Variants in HOMER2 observed in about 807,000 individuals in gnomAD.
The protein encoded by HOMER2 is homer scaffold protein 2.
In HOMER2, 27 loss-of-function variants were observed where a neutral mutation model predicts 47.0. The ratio of observed to expected loss-of-function variants is 0.57; its 90% CI spans 0.42 to 0.79. The LOEUF (loss-of-function observed/expected upper bound fraction) is 0.79, where lower values mean the gene tolerates loss of function less well. Among genes scored for constraint, HOMER2 ranks in the 30% least tolerant of loss-of-function variants. The pLI, the probability that HOMER2 is intolerant of heterozygous loss-of-function variation, is 0.00. For synonymous variants in HOMER2, 161 were observed against 163.8 expected, an observed-to-expected ratio of 0.98 and a Z score of 0.13; for missense variants, 443 against 435.0, an observed-to-expected ratio of 1.02 and a Z score of -0.16.
chr15:82,850,052 C>T lies in HOMER2; in HGVS notation c.844-149G>A, dbSNP rs947597637. On this transcript the variant is annotated intron_variant, in intron 8 of 8. Transcript: ENST00000450735. ...CCTAGAGACATGCTACCCCAGCACACAAGCCTGTGACCAAGACATCAGAAG... is the reference window on the plus strand; with the variant it reads ...CCTAGAGACATGCTACCCCAGCACATAAGCCTGTGACCAAGACATCAGAAG... The T allele has an allele frequency of 9.6e-6, 7 of 729,952 alleles. No homozygotes were observed. In the East Asian group the frequency reaches 1.9e-4, roughly 20 times the overall value. 45.2% of individuals were successfully genotyped at this position (729,952 alleles called of 1,614,324 possible). A position where few individuals can be genotyped will look rare whatever the true frequency, so the allele number is the denominator to read the frequency against.
rs182657443 is a variant in HOMER2 at position 82,975,840 on chromosome 15, G to A, written n.82+9947C>T. Among the ~76,000 whole-genome samples, 25 of 152,258 alleles carry A rather than the reference G, an allele frequency of 1.6e-4. 1 individual carries two copies. The Middle Eastern group carries it at 0.014, about 83-fold the overall frequency. On this transcript the variant is annotated intron_variant and non_coding_transcript_variant, in intron 1 of 1. Transcript: ENST00000500334. ...TAAATAATAACTTAATCATACATTTGAAAATAACTAAGAGTGTAATTGGAT... is the reference window on the plus strand; with the variant it reads ...TAAATAATAACTTAATCATACATTTAAAAATAACTAAGAGTGTAATTGGAT...
chr15:82,975,918 T>C (rs200591973), intron 1 of HOMER2, among the ~76,000 whole-genome samples: 1 of 152,360 alleles, frequency 6.6e-6, no homozygotes, highest in East Asian at 1.9e-4. Flanking sequence ...CCATTCTCCA[T>C]GATGTTCTTA....
At chr15:82,882,423 T>G (rs2052550851) in intron 2 of HOMER2, among the ~76,000 whole-genome samples, 1 of 152,014 alleles carries the variant, frequency 6.6e-6, no homozygotes, top group South Asian at 2.1e-4. Context: ...GAGCTCACAG[T>G]CTCCTGGCAG....
chr15:82,938,397 T>C (rs62011737), intron 1 of HOMER2, among the ~76,000 whole-genome samples: 5,297 of 152,174 alleles, frequency 0.035, 132 homozygotes, highest in Non-Finnish European at 0.055. Context: ...AAATGCCAGC[T>C]GATCAAGCTC....
upstream of HOMER2, among the ~76,000 whole-genome samples, chr15:82,956,961 G>A (rs960943102): frequency 3.3e-5 from 5 of 152,118 alleles, no homozygotes; most frequent in South Asian, 2.1e-4. Context: ...ACGAAGTGGC[G>A]ATATCTCTTT....
chr15:82,841,599 C>G (rs1303812902), exon 2 of HOMER2: 1 of 152,020 alleles, frequency 6.6e-6, no homozygotes, highest in African/African-American at 2.4e-5. Context: ...TAACATTGTT[C>G]TAAAAGTACC....
intron 4 of HOMER2, among the ~76,000 whole-genome samples, 163 bp downstream of exon 4, chr15:82,864,004 C>CTCATAAAATCCTAA (rs2151633982): frequency 6.6e-6 from 1 of 152,312 alleles, no homozygotes; most frequent in South Asian, 2.1e-4. Flanking sequence ...CTAAAAAATT[C>CTCATAAAATCCTAA]AAGAGTCTCA....
At chr15:82,914,898 A>G (rs75672102) in intron 1 of HOMER2, among the ~76,000 whole-genome samples, 4,533 of 152,252 alleles carry the variant, frequency 0.03, 105 homozygotes, top group Middle Eastern at 0.082. Flanking sequence ...TAGAGGACAG[A>G]TGGAGGTGGG....
At chr15:82,875,901 G>A (rs2052334361) in intron 2 of HOMER2, among the ~76,000 whole-genome samples, 1 of 152,226 alleles carries the variant, frequency 6.6e-6, no homozygotes, top group African/African-American at 2.4e-5. Flanking sequence ...GTCCAATTAG[G>A]ATAATTTGTG....
At chr15:82,902,946 G>A (rs1477604623) in intron 1 of HOMER2, among the ~76,000 whole-genome samples, 1 of 152,194 alleles carries the variant, frequency 6.6e-6, no homozygotes, top group Non-Finnish European at 1.5e-5. Context: ...TCATCTGTGA[G>A]ACCATATCTT....
intron 1 of HOMER2, among the ~76,000 whole-genome samples, chr15:82,947,506 C>G (rs1466574757): frequency 6.6e-6 from 1 of 152,204 alleles, no homozygotes; most frequent in South Asian, 2.1e-4. Context: ...AAAGTCACAA[C>G]AGTAGACAAG....
chr15:82,965,205 G>C (rs976226595), intron 1 of HOMER2, among the ~76,000 whole-genome samples: 15 of 152,042 alleles, frequency 9.9e-5, no homozygotes, highest in Non-Finnish European at 1.9e-4. Context: ...TTTTTGTAGA[G>C]ACGAGGTCTC....
chr15:82,906,949 T>C (rs1842899370), intron 1 of HOMER2, among the ~76,000 whole-genome samples: 3 of 152,218 alleles, frequency 2.0e-5, no homozygotes, highest in Admixed American at 1.3e-4. Context: ...TTAATGTGTA[T>C]GTGCCTAACA....
upstream of HOMER2, chr15:82,986,096 C>T: frequency 6.1e-6 from 6 of 985,534 alleles, no homozygotes; most frequent in Non-Finnish European, 7.2e-6. Flanking sequence ...GAGCTCTGGG[C>T]GTTGTGCCAG....
chr15:82,867,030 T>C (rs1432529239), intron 3 of HOMER2, among the ~76,000 whole-genome samples: 2 of 152,158 alleles, frequency 1.3e-5, no homozygotes, highest in Non-Finnish European at 2.9e-5. Context: ...AAAAATTAGC[T>C]TATGACTAAG....
At chr15:82,983,532 C>T (rs2030468186) in intron 1 of HOMER2, among the ~76,000 whole-genome samples, 1 of 151,724 alleles carries the variant, frequency 6.6e-6, no homozygotes, top group South Asian at 2.1e-4. Flanking sequence ...ATGGATATTC[C>T]TTTTCAGCCC....
chr15:82,909,146 G>A (rs2053379570), intron 1 of HOMER2, among the ~76,000 whole-genome samples: 1 of 152,202 alleles, frequency 6.6e-6, no homozygotes, highest in African/African-American at 2.4e-5. Flanking sequence ...AGAAGTTCAA[G>A]ATCATTCAGG....
At chr15:82,902,048 G>A (rs1288833209) in intron 1 of HOMER2, among the ~76,000 whole-genome samples, 1 of 152,110 alleles carries the variant, frequency 6.6e-6, no homozygotes, top group Non-Finnish European at 1.5e-5. Flanking sequence ...ATATATTTGT[G>A]ATTTTATTCT....
chr15:82,956,558 G>A (rs890983942), upstream of HOMER2, among the ~76,000 whole-genome samples: 4 of 152,208 alleles, frequency 2.6e-5, no homozygotes, highest in African/African-American at 9.7e-5. Context: ...GAGAAGAGGG[G>A]ATAAGAAGGG....
Sources: allele counts gnomAD v4.1 joint callset (sites outside exome capture counted in the v4.1 genomes callset), GRCh38; gene constraint gnomAD v4.1.1; transcripts MANE v1.5; gene names NCBI Gene and HGNC (gene_info 2026-07-23, HGNC 2026-07-21).